Variants in FBXL13 observed in about 807,000 individuals in gnomAD.
The protein encoded by FBXL13 is F-box and leucine rich repeat protein 13, also known as F-box and leucine-rich repeat protein 13.
Under a neutral mutation model 83.6 loss-of-function variants are expected in FBXL13, and 67 were observed. That is an observed-to-expected ratio of 0.80 (90% confidence interval 0.66 to 0.98). The LOEUF (loss-of-function observed/expected upper bound fraction) is 0.98. Among genes scored for constraint, FBXL13 ranks in the 50% least tolerant of loss-of-function variants. FBXL13 has a pLI of 0.00. For missense variants in FBXL13, 822 were observed against 866.5 expected (o/e 0.95, Z 0.64); for synonymous variants, 272 against 299.5 (o/e 0.91, Z 0.95).
At chr7:102,972,047 A>C (rs1826753536) in intron 6 of FBXL13, among the ~76,000 whole-genome samples, 1 of 152,074 alleles carries the variant, frequency 6.6e-6, no homozygotes, top group Non-Finnish European at 1.5e-5. Context: ...AAAAAATTTA[A>C]AGACACTTTG....
At chr7:102,980,814 A>T (rs1202267123) in intron 6 of FBXL13, among the ~76,000 whole-genome samples, 11 of 152,162 alleles carry the variant, frequency 7.2e-5, no homozygotes, top group African/African-American at 2.7e-4. Flanking sequence ...CTCTTATCAA[A>T]AAAATAGGGA....
intron 7 of FBXL13, among the ~76,000 whole-genome samples, chr7:102,967,561 C>T (rs1355382359): frequency 6.6e-6 from 1 of 152,238 alleles, no homozygotes; most frequent in Non-Finnish European, 1.5e-5. Flanking sequence ...GCATGAGCCA[C>T]TGTGCCCAGC....
At chr7:103,019,298 G>A (rs958851591) in intron 6 of FBXL13, among the ~76,000 whole-genome samples, 5 of 152,050 alleles carry the variant, frequency 3.3e-5, no homozygotes, top group Non-Finnish European at 5.9e-5. Flanking sequence ...ACAACATACC[G>A]GAATGTCTGG....
intron 8 of FBXL13, among the ~76,000 whole-genome samples, chr7:102,950,334 A>C (rs1823218272): frequency 6.6e-6 from 1 of 152,250 alleles, no homozygotes; most frequent in African/African-American, 2.4e-5. Flanking sequence ...GCTGATGACG[A>C]TGTAAAGCAA....
chr7:102,976,497 C>G (rs944869398), intron 6 of FBXL13, among the ~76,000 whole-genome samples: 6 of 152,172 alleles, frequency 3.9e-5, no homozygotes, highest in African/African-American at 1.4e-4. Flanking sequence ...CCCCATAATA[C>G]CCAACGCATC....
At chr7:102,933,861 C>T (rs1819694779) in intron 8 of FBXL13, 1 of 1,488,334 alleles carries the variant, frequency 6.7e-7, no homozygotes, top group African/African-American at 1.4e-5. Flanking sequence ...CAAAGGAATA[C>T]TTTCATTGTT....
chr7:102,934,676 A>C, intron 8 of FBXL13: 1 of 1,585,674 alleles, frequency 6.3e-7, no homozygotes, highest in African/African-American at 1.4e-5. Flanking sequence ...ACTGGACTGC[A>C]AAAGGAAAGG....
At chr7:103,057,137 G>A (rs1319678943) in intron 1 of FBXL13, among the ~76,000 whole-genome samples, 1 of 152,142 alleles carries the variant, frequency 6.6e-6, no homozygotes, top group Non-Finnish European at 1.5e-5. Flanking sequence ...TTCTTATACA[G>A]TTAAAAAGTC....
Position 102,964,400 on chromosome 7 carries a change from A to ATGTGTGTG in FBXL13, c.592-736_592-735insCACACACA, listed in dbSNP as rs1442338572. On this transcript the variant is annotated intron_variant, in intron 7 of 19. Transcript: ENST00000313221. ...CACACAATTTTGTGACTATATATAT[A>ATGTGTGTG]TATATTTTTTTTTTTTTTTCCAGAC... Among the ~76,000 whole-genome samples the ATGTGTGTG allele has an allele frequency of 9.0e-4, 122 of 135,380 alleles. 2 individuals carry two copies. Among genetic ancestry groups the ATGTGTGTG allele is most frequent in the African/African-American group, 4.0e-3 (121 of 30,378 alleles). The allele number at this position is 135,380 out of a possible 152,430, so 88.8% of individuals were successfully genotyped here.
chr7:102,826,724 C>CATATATATATATATATAT (rs58307950), intron 18 of FBXL13, among the ~76,000 whole-genome samples: 3 of 62,732 alleles, frequency 4.8e-5, no homozygotes, highest in Admixed American at 4.8e-4. Flanking sequence ...GACCCTGTCT[C>CATATATATATATATATAT]ATATATATAT....
chr7:102,834,326 T>C (rs915474857), intron 17 of FBXL13, among the ~76,000 whole-genome samples: 1 of 148,672 alleles, frequency 6.7e-6, no homozygotes, highest in Non-Finnish European at 1.5e-5. Context: ...TTGTAAGTAC[T>C]AGATTTTAGT....
chr7:102,995,944 GT>G (rs1356724716), intron 6 of FBXL13, among the ~76,000 whole-genome samples: 1 of 152,090 alleles, frequency 6.6e-6, no homozygotes, highest in Non-Finnish European at 1.5e-5. Flanking sequence ...TTCTGAAATG[GT>G]TTTCCCAAAG....
chr7:103,020,140 T>C (rs1792953895), intron 6 of FBXL13, among the ~76,000 whole-genome samples: 2 of 152,230 alleles, frequency 1.3e-5, no homozygotes, highest in African/African-American at 4.8e-5. Context: ...TCAAGTGGGC[T>C]TCATCCCTGG....
intron 16 of FBXL13, among the ~76,000 whole-genome samples, chr7:102,861,337 G>A (rs1806805432): frequency 6.6e-6 from 1 of 151,510 alleles, no homozygotes; most frequent in South Asian, 2.1e-4. Flanking sequence ...TTTTTTAAGG[G>A]TCTAGGCCAG....
chr7:102,948,908 C>T (rs1024025554), intron 8 of FBXL13, among the ~76,000 whole-genome samples: 1 of 152,042 alleles, frequency 6.6e-6, no homozygotes, highest in Non-Finnish European at 1.5e-5. Flanking sequence ...GACAAGGTTT[C>T]GCCATGTTGG....
chr7:102,907,387 G>C (rs1464101789), intron 11 of FBXL13, among the ~76,000 whole-genome samples: 2 of 152,006 alleles, frequency 1.3e-5, no homozygotes, highest in African/African-American at 2.4e-5. Flanking sequence ...TGTTACATAT[G>C]TATACATGTG....
At chr7:103,069,553 C>A (rs1014267514) in intron 1 of FBXL13, among the ~76,000 whole-genome samples, 2 of 152,144 alleles carry the variant, frequency 1.3e-5, no homozygotes, top group Non-Finnish European at 2.9e-5. Context: ...TGGCTAGCTT[C>A]TCAATCAAAA....
At chr7:103,034,938 T>C (rs1473491566) in intron 2 of FBXL13, among the ~76,000 whole-genome samples, 1 of 152,250 alleles carries the variant, frequency 6.6e-6, no homozygotes, top group African/African-American at 2.4e-5. Flanking sequence ...CTGAGAGGTA[T>C]TTCCTTTCAA....
intron 9 of FBXL13, among the ~76,000 whole-genome samples, chr7:102,927,192 T>A (rs1362446780): frequency 6.6e-6 from 1 of 152,212 alleles, no homozygotes; most frequent in African/African-American, 2.4e-5. Context: ...TAACACTATA[T>A]AAAATACAAC....
Sources: gnomAD v4.1 joint callset for allele counts (sites outside exome capture counted in the v4.1 genomes callset) on GRCh38, gnomAD v4.1.1 for gene constraint, MANE v1.5 for transcripts, NCBI Gene and HGNC (gene_info 2026-07-23, HGNC 2026-07-21) for gene names.